WDR70: variants seen among roughly 807,000 people sequenced by gnomAD.
WDR70 encodes WD repeat-containing protein 70.
A neutral mutation model predicts 88.6 loss-of-function variants in WDR70; 53 were observed. The observed-to-expected ratio is 0.60, with a 90% CI of 0.48 to 0.75. The LOEUF is 0.75. Among genes scored for constraint, WDR70 ranks in the 30% least tolerant of loss-of-function variants. The pLI, the probability that WDR70 is intolerant of heterozygous loss-of-function variation, is 0.00. For synonymous variants in WDR70, 280 were observed against 270.0 expected, an observed-to-expected ratio of 1.04 and a Z score of -0.36; for missense variants, 610 against 823.2, an observed-to-expected ratio of 0.74 and a Z score of 3.17.
intron 5 of WDR70, among the ~76,000 whole-genome samples, chr5:37,416,187 C>G (rs1483666005): frequency 6.6e-6 from 1 of 152,134 alleles, no homozygotes; most frequent in South Asian, 2.1e-4. Flanking sequence ...TGTAGCGAGC[C>G]GAGATCACGC....
chr5:37,528,441 G>C lies in WDR70; in HGVS notation c.917+11851G>C, dbSNP rs573017988. On this transcript the variant is annotated intron_variant, in intron 9 of 17. Transcript: ENST00000265107. ...GGCAACTGAACAATGAGAACCCTTG[G>C]ACACAGGAAGGGGAACATCACACAC... 6.6e-5 allele frequency among the ~76,000 whole-genome samples: 10 copies of C among 152,138 alleles called. No individual in the cohort carries two copies. In the South Asian group the frequency reaches 2.1e-3, roughly 32 times the overall value.
intron 17 of WDR70, among the ~76,000 whole-genome samples, 192 bp downstream of exon 17, chr5:37,727,237 T>C (rs926888815): frequency 1.3e-5 from 2 of 152,190 alleles, no homozygotes; most frequent in African/African-American, 4.8e-5. Context: ...TCATGAATTT[T>C]AAAACTAGGC....
At chr5:37,434,025 A>G (rs1448925001) in intron 5 of WDR70, among the ~76,000 whole-genome samples, 4 of 152,238 alleles carry the variant, frequency 2.6e-5, no homozygotes, top group Admixed American at 2.6e-4. Context: ...AGAAATACAC[A>G]AGACTGGATA....
intron 8 of WDR70, among the ~76,000 whole-genome samples, chr5:37,484,368 C>T (rs2112170760): frequency 1.3e-5 from 2 of 152,342 alleles, no homozygotes; most frequent in South Asian, 4.1e-4. Context: ...GCCTGGCCAA[C>T]ACAGCGAAAC....
rs865823766 is a variant in WDR70, at chr5:37,707,978, T to A, written c.1416+4891T>A. Among the ~76,000 whole-genome samples the A allele has an allele frequency of 2.8e-4, 27 of 96,450 alleles. 1 individual carries two copies. The highest frequency in any genetic ancestry group is 4.0e-4 in the Non-Finnish European group (20 of 50,028). The allele number at this position is 96,450 out of a possible 152,430, so 63.3% of individuals were successfully genotyped here. On this transcript the variant is annotated intron_variant, in intron 13 of 17. Coordinates refer to ENST00000265107, the MANE Select transcript of WDR70 (RefSeq NM_018034.4). ...ATATATATATATATATATATATATA[T>A]ATATATATATATATAGTTGATTGAA...
At chr5:37,669,720 A>G (rs546594837) in intron 10 of WDR70, among the ~76,000 whole-genome samples, 2 of 152,308 alleles carry the variant, frequency 1.3e-5, no homozygotes, top group Admixed American at 6.5e-5. Flanking sequence ...GAGTCAGACC[A>G]TGATGTAGAC....
At chr5:37,616,084 C>G (rs1744331944) in intron 10 of WDR70, among the ~76,000 whole-genome samples, 1 of 152,092 alleles carries the variant, frequency 6.6e-6, no homozygotes, top group Non-Finnish European at 1.5e-5. Context: ...ATACTTTTTC[C>G]CAACCTTTGA....
intron 5 of WDR70, among the ~76,000 whole-genome samples, chr5:37,436,402 C>T (rs1750468330): frequency 6.6e-6 from 1 of 152,086 alleles, no homozygotes; most frequent in Non-Finnish European, 1.5e-5. Flanking sequence ...AATGGCATTG[C>T]TAGTTTAAAA....
intron 9 of WDR70, among the ~76,000 whole-genome samples, chr5:37,590,502 G>A (rs1459202179): frequency 2.6e-5 from 4 of 152,152 alleles, no homozygotes; most frequent in African/African-American, 9.7e-5. Flanking sequence ...TGGAACCTGT[G>A]AATGTTTCCT....
chr5:37,382,755 G>A (rs1308991321), intron 3 of WDR70, among the ~76,000 whole-genome samples: 1 of 150,796 alleles, frequency 6.6e-6, no homozygotes, highest in Admixed American at 6.6e-5. Context: ...GCTCATGCCT[G>A]TAATCCCAGC....
chr5:37,512,879 C>A (rs187248966), intron 8 of WDR70, among the ~76,000 whole-genome samples: 32 of 152,176 alleles, frequency 2.1e-4, no homozygotes, highest in African/African-American at 7.7e-4. Flanking sequence ...GGCACCGCAC[C>A]CAGCCGAGAT....
chr5:37,391,267 A>G (rs1748810691), intron 3 of WDR70, among the ~76,000 whole-genome samples: 1 of 152,062 alleles, frequency 6.6e-6, no homozygotes, highest in African/African-American at 2.4e-5. Context: ...TTTTTTTTCT[A>G]ATTTTAAAAA....
chr5:37,650,789 T>G (rs1050340177), intron 10 of WDR70, among the ~76,000 whole-genome samples: 9 of 152,090 alleles, frequency 5.9e-5, no homozygotes, highest in African/African-American at 9.7e-5. Flanking sequence ...ATGCATATAT[T>G]TGCTCCTTTA....
intron 9 of WDR70, among the ~76,000 whole-genome samples, chr5:37,570,751 T>A (rs1297722275): frequency 2.0e-5 from 3 of 152,214 alleles, no homozygotes; most frequent in Non-Finnish European, 4.4e-5. Flanking sequence ...TTTAGTAACA[T>A]GTTCGTACCC....
chr5:37,608,332 G>A (rs6879890), intron 10 of WDR70, among the ~76,000 whole-genome samples: 70,510 of 151,694 alleles, frequency 0.46, 17,979 homozygotes, highest in Non-Finnish European at 0.58. Context: ...GAGCCACCAC[G>A]CCTGGCCATT....
At chr5:37,423,561 T>G (rs1178498050) in intron 5 of WDR70, among the ~76,000 whole-genome samples, 1 of 145,094 alleles carries the variant, frequency 6.9e-6, no homozygotes, top group Middle Eastern at 3.5e-3. Flanking sequence ...TGTTTTTTTT[T>G]GTCTTTTTTT....
At chr5:37,675,862 A>G (rs368413944) in intron 10 of WDR70, among the ~76,000 whole-genome samples, 5 of 152,246 alleles carry the variant, frequency 3.3e-5, no homozygotes, top group South Asian at 4.2e-4. Flanking sequence ...CTTCCTACCC[A>G]TGAGCATGGA....
chr5:37,542,931 C>A (rs1299893156), intron 9 of WDR70, among the ~76,000 whole-genome samples: 1 of 152,212 alleles, frequency 6.6e-6, no homozygotes, highest in Non-Finnish European at 1.5e-5. Flanking sequence ...TGTTTATTCA[C>A]CCCACGAATC....
At chr5:37,629,598 T>C (rs1744757442) in intron 10 of WDR70, among the ~76,000 whole-genome samples, 1 of 152,186 alleles carries the variant, frequency 6.6e-6, no homozygotes, top group African/African-American at 2.4e-5. Context: ...ATTCATTTAA[T>C]TCTCAGCTCT....
Sources: gnomAD v4.1 joint callset for allele counts (sites outside exome capture counted in the v4.1 genomes callset) on GRCh38, gnomAD v4.1.1 for gene constraint, MANE v1.5 for transcripts, NCBI Gene and HGNC (gene_info 2026-07-23, HGNC 2026-07-21) for gene names.